The following TBC1D16 variants were observed in gnomAD, a reference collection of about 807,000 sequenced individuals.
TBC1D16 encodes the protein TBC1 domain family member 16.
In TBC1D16, 58 loss-of-function variants were observed where a neutral mutation model predicts 74.7. The ratio of observed to expected loss-of-function variants is 0.78; its 90% CI spans 0.63 to 0.97. TBC1D16 has a LOEUF of 0.97. Ranked by LOEUF, TBC1D16 falls within the 50% of genes least tolerant of loss-of-function variation. The pLI, the probability that TBC1D16 is intolerant of heterozygous loss-of-function variation, is 0.00. For synonymous variants in TBC1D16, 493 were observed against 474.7 expected (o/e 1.04, Z -0.50); for missense variants, 1,014 against 1,079.5 (o/e 0.94, Z 0.85).
At chr17:80,025,431 G>A (rs2036542958) in intron 1 of TBC1D16, among the ~76,000 whole-genome samples, 1 of 150,052 alleles carries the variant, frequency 6.7e-6, no homozygotes, top group Non-Finnish European at 1.5e-5. Flanking sequence ...GTCACCGGGC[G>A]GCAGGAAGTG....
chr17:79,977,919 C>T (rs1463871794), intron 3 of TBC1D16, among the ~76,000 whole-genome samples: 1 of 152,240 alleles, frequency 6.6e-6, no homozygotes, highest in African/African-American at 2.4e-5. Flanking sequence ...GACTGCGGTG[C>T]CTTCTGCTGC....
At chr17:80,012,791 G>A (rs772824001) in intron 2 of TBC1D16, among the ~76,000 whole-genome samples, 15 of 152,108 alleles carry the variant, frequency 9.9e-5, no homozygotes, top group Non-Finnish European at 2.1e-4. Context: ...AGGGTGTGCC[G>A]GGGCAGGCCA....
intron 9 of TBC1D16, among the ~76,000 whole-genome samples, chr17:79,946,168 T>C (rs2032517875): frequency 6.6e-6 from 1 of 152,248 alleles, no homozygotes; most frequent in African/African-American, 2.4e-5. Context: ...CCAACCTTTT[T>C]GGCACTAGGG....
Position 80,007,914 on chromosome 17 carries a change from GC to G in TBC1D16, c.779+2245del. Among the ~76,000 whole-genome samples the G allele has an allele frequency of 6.6e-6, 1 of 152,134 alleles. No individual in the cohort carries two copies. The highest frequency in any genetic ancestry group is 1.9e-4 in the East Asian group (1 of 5,162). On this transcript the variant is annotated intron_variant, in intron 3 of 11. Transcript: ENST00000310924. The surrounding 1 kb of genome is among the most constrained non-coding windows in gnomAD (Gnocchi z 4.5). ...TGCTTCATCCTGAAAATGATGGGCG[GC>G]CCCCGGTGGGTCCCAGGCAGAGGGA...
At position 79,935,081 on chromosome 17, in the gene TBC1D16, C is replaced by A. The variant is rs980051796; in HGVS notation, c.*5778G>T. ...CCACTCCTAGGAAGGTCAAATTCACCTTGTTTGCCTCCTTAAAAATTCACA... is the reference window on the plus strand; with the variant it reads ...CCACTCCTAGGAAGGTCAAATTCACATTGTTTGCCTCCTTAAAAATTCACA... On this transcript the variant is annotated 3_prime_UTR_variant, in exon 12 of 12. Transcript: ENST00000310924. The A allele has an allele frequency of 6.6e-6, 1 of 152,284 alleles. No homozygotes were observed. The highest frequency in any genetic ancestry group is 2.4e-5 in the African/African-American group (1 of 41,476). The allele number at this position is 152,284 out of a possible 1,614,324, so 9.4% of individuals were successfully genotyped here. A position where few individuals can be genotyped will look rare whatever the true frequency, so the allele number is the denominator to read the frequency against.
In TBC1D16 at chr17:80,008,205, G is replaced by A. The variant is rs147684862; in HGVS notation, c.779+1955C>T. On this transcript the variant is annotated intron_variant, in intron 3 of 11. Coordinates refer to ENST00000310924, the MANE Select transcript of TBC1D16 (RefSeq NM_019020.4). This position sits in a 1 kb window ranked among gnomAD's most constrained non-coding sequence, Gnocchi z 4.5. ...CCAGCAAGGCGAAGGGCGGGGAAAAGCGAACCGGGGTGCATTCTCACAATA... is the reference window on the plus strand; with the variant it reads ...CCAGCAAGGCGAAGGGCGGGGAAAAACGAACCGGGGTGCATTCTCACAATA... Among the ~76,000 whole-genome samples, 1 of 152,206 alleles carries A rather than the reference G, an allele frequency of 6.6e-6. No individual in the cohort carries two copies. Among genetic ancestry groups the A allele is most frequent in the Non-Finnish European group, 1.5e-5 (1 of 68,000 alleles).
At chr17:80,031,429 A>T (rs1462961552) in intron 1 of TBC1D16, among the ~76,000 whole-genome samples, 1 of 152,214 alleles carries the variant, frequency 6.6e-6, no homozygotes, top group African/African-American at 2.4e-5. Context: ...GGCTTAGGGC[A>T]TTCACTGCAG....
intron 1 of TBC1D16, among the ~76,000 whole-genome samples, chr17:80,034,223 A>G (rs59391765): frequency 0.94 from 133,396 of 141,756 alleles, 62,651 homozygotes; most frequent in Non-Finnish European, 0.99. Context: ...TTTTTGAGAC[A>G]TAGAATGTTG....
chr17:79,954,607 G>T lies in TBC1D16; in HGVS notation c.780-1789C>A, dbSNP rs916494168. On this transcript the variant is annotated intron_variant, in intron 3 of 11. Coordinates refer to ENST00000310924, the MANE Select transcript of TBC1D16 (RefSeq NM_019020.4). This position sits in a 1 kb window ranked among gnomAD's most constrained non-coding sequence, Gnocchi z 5.5. ...TGACATCTTCCCAAGTGGACCCTGC[G>T]GGAGCTGCGCTTCAGAATCGTTGCT... 6.6e-6 allele frequency among the ~76,000 whole-genome samples: 1 copy of T among 152,140 alleles called. No individual in the cohort carries two copies. The highest frequency in any genetic ancestry group is 1.5e-5 in the Non-Finnish European group (1 of 68,020).
In TBC1D16 at chr17:80,021,009, T is replaced by C. The variant is rs181262141; in HGVS notation, c.-62-7400A>G. Among the ~76,000 whole-genome samples the C allele has an allele frequency of 1.6e-3, 235 of 149,594 alleles. 23 individuals are homozygous for C. The highest frequency in any genetic ancestry group is 5.5e-3 in the African/African-American group (215 of 39,170). On this transcript the variant is annotated intron_variant, in intron 1 of 11. Transcript: ENST00000310924. ...GGCTCACGCCTGTAATCCCAGCACTTTGGGAGGCCAAGGCGGGTGGATCAC... is the reference window on the plus strand; with the variant it reads ...GGCTCACGCCTGTAATCCCAGCACTCTGGGAGGCCAAGGCGGGTGGATCAC...
intron 8 of TBC1D16, among the ~76,000 whole-genome samples, chr17:79,948,382 T>C (rs2032744098): frequency 6.6e-6 from 1 of 151,508 alleles, no homozygotes; most frequent in African/African-American, 2.4e-5. Context: ...GAGCAGGGGT[T>C]AAGGGGGAAC....
At position 79,984,822 on chromosome 17, in the gene TBC1D16, A is replaced by ACTT. The variant is rs559714272; in HGVS notation, c.779+25337_779+25338insAAG. 6.4e-3 allele frequency among the ~76,000 whole-genome samples: 979 copies of ACTT among 152,194 alleles called. 17 individuals are homozygous for ACTT. The highest frequency in any genetic ancestry group is 0.022 in the African/African-American group (926 of 41,504). On this transcript the variant is annotated intron_variant, in intron 3 of 11. Coordinates refer to ENST00000310924, the MANE Select transcript of TBC1D16 (RefSeq NM_019020.4). ...TAAGACAAGCAGGTGAAAAGACCACACTGAAGTCAGACCTCAGATCATAAC... is the reference window on the plus strand; with the variant it reads ...TAAGACAAGCAGGTGAAAAGACCACACTTCTGAAGTCAGACCTCAGATCATAAC...
In TBC1D16 at chr17:79,986,100, T is replaced by C. The variant is rs900239578; in HGVS notation, c.779+24060A>G. Among the ~76,000 whole-genome samples, 1 of 152,262 alleles carries C rather than the reference T, an allele frequency of 6.6e-6. No individual in the cohort carries two copies. Among genetic ancestry groups the C allele is most frequent in the African/African-American group, 2.4e-5 (1 of 41,468 alleles). ...TGACTGCACTGGCATCTGCCATCCC[T>C]CAAACGGAGAGATAATCAGGAAATA... On this transcript the variant is annotated intron_variant, in intron 3 of 11. Coordinates refer to ENST00000310924, the MANE Select transcript of TBC1D16 (RefSeq NM_019020.4). This position sits in a 1 kb window ranked among gnomAD's most constrained non-coding sequence, Gnocchi z 6.0.
In TBC1D16 at chr17:80,025,147, A is replaced by ATG. The variant is rs201329603; in HGVS notation, c.-63+10647_-63+10648insCA. Among the ~76,000 whole-genome samples the ATG allele has an allele frequency of 2.4e-3, 159 of 65,832 alleles. 3 individuals are homozygous for ATG. The highest frequency in any genetic ancestry group is 9.0e-3 in the African/African-American group (151 of 16,764). 43.2% of individuals were successfully genotyped at this position (65,832 alleles called of 152,430 possible). On this transcript the variant is annotated intron_variant, in intron 1 of 11. Transcript: ENST00000310924. ...CACACACACACCATAGGCACACACA[A>ATG]ACACACCAGGACACACACACCATAG...
chr17:79,976,448 C>T (rs1044311976), intron 3 of TBC1D16, among the ~76,000 whole-genome samples: 5 of 152,302 alleles, frequency 3.3e-5, no homozygotes, highest in Non-Finnish European at 5.9e-5. Context: ...GCTAGAGTCA[C>T]GGTATTGTGT....
At chr17:79,947,133 T>C (rs2032610504) in intron 9 of TBC1D16, among the ~76,000 whole-genome samples, 1 of 152,056 alleles carries the variant, frequency 6.6e-6, no homozygotes, top group South Asian at 2.1e-4. Context: ...GCTGGTCCTT[T>C]TGAGGAGGCC....
chr17:79,967,760 C>T (rs147196847), intron 3 of TBC1D16, among the ~76,000 whole-genome samples: 6 of 152,134 alleles, frequency 3.9e-5, no homozygotes, highest in Non-Finnish European at 5.9e-5. Context: ...AAAATTCATA[C>T]GGAAATACAG....
At chr17:80,021,393 G>A (rs1251213217) in intron 1 of TBC1D16, among the ~76,000 whole-genome samples, 1 of 149,696 alleles carries the variant, frequency 6.7e-6, no homozygotes, top group Non-Finnish European at 1.5e-5. Flanking sequence ...CCAGGACGTC[G>A]AGGCTGCATT....
chr17:79,950,004 G>A lies in TBC1D16; in HGVS notation c.1258-139C>T, dbSNP rs2032915106. ...TGCAATTTGCACATATTTACAAGGG[G>A]AAAGCAGTGGCCTTCAATTCCCATA... On this transcript the variant is annotated intron_variant, in intron 6 of 11. Coordinates refer to ENST00000310924, the MANE Select transcript of TBC1D16 (RefSeq NM_019020.4). The surrounding 1 kb of genome is among the most constrained non-coding windows in gnomAD (Gnocchi z 4.6). The A allele has an allele frequency of 1.8e-6, 2 of 1,109,800 alleles. No individual in the cohort carries two copies. The highest frequency in any genetic ancestry group is 2.5e-6 in the Non-Finnish European group (2 of 790,674). The allele number at this position is 1,109,800 out of a possible 1,614,324, so 68.7% of individuals were successfully genotyped here. A position where few individuals can be genotyped will look rare whatever the true frequency, so the allele number is the denominator to read the frequency against.
Sources: gnomAD v4.1 joint callset for allele counts (sites outside exome capture counted in the v4.1 genomes callset) on GRCh38, gnomAD v4.1.1 for gene constraint, Gnocchi (gnomAD v3.1) non-coding constraint, MANE v1.5 for transcripts, NCBI Gene and HGNC (gene_info 2026-07-23, HGNC 2026-07-21) for gene names.